The following NFIA variants were observed in gnomAD, a reference collection of about 807,000 sequenced individuals.
NFIA encodes nuclear factor I A, also known as nuclear factor 1 A-type.
Under a neutral mutation model 62.8 loss-of-function variants are expected in NFIA, and 8 were observed. The observed-to-expected ratio is 0.13, with a 90% CI of 0.07 to 0.23. The LOEUF (loss-of-function observed/expected upper bound fraction) is 0.23. Among genes scored for constraint, NFIA ranks in the 10% least tolerant of loss-of-function variants. The pLI, the probability that NFIA is intolerant of heterozygous loss-of-function variation, is 1.00. For missense variants in NFIA, 410 were observed against 642.1 expected (o/e 0.64, Z 3.91); for synonymous variants, 235 against 238.1 (o/e 0.99, Z 0.12).
chr1:61,225,220 A>G (rs886133856), intron 2 of NFIA, among the ~76,000 whole-genome samples: 1 of 151,744 alleles, frequency 6.6e-6, no homozygotes, highest in Non-Finnish European at 1.5e-5. Flanking sequence ...TAAATACTCA[A>G]TGTAAAGCCA....
At chr1:61,149,839 G>A (rs1394318994) in intron 2 of NFIA, among the ~76,000 whole-genome samples, 1 of 152,116 alleles carries the variant, frequency 6.6e-6, no homozygotes, top group South Asian at 2.1e-4. Flanking sequence ...TCAGTAAATG[G>A]TAGTTGTTTT....
chr1:61,228,708 G>C (rs1270927689), intron 2 of NFIA, among the ~76,000 whole-genome samples: 1 of 152,036 alleles, frequency 6.6e-6, no homozygotes, highest in East Asian at 1.9e-4. Flanking sequence ...ATGTGTACAT[G>C]AAGGTTTTCG....
Position 61,088,653 on chromosome 1 carries a change from T to C in NFIA, c.532T>C (p.Tyr178His). 1 of 1,613,560 alleles carries C rather than the reference T, an allele frequency of 6.2e-7. No homozygotes were observed. Residue 178 changes from tyrosine to histidine, a missense_variant, in exon 2 of 11, where the codon TAT (tyrosine) becomes CAT (histidine). Tyr to His is a moderately conservative substitution (Grantham distance 83). Coordinates refer to ENST00000403491, the MANE Select transcript of NFIA (RefSeq NM_001134673.4). This position sits in a 1 kb window ranked among gnomAD's most constrained non-coding sequence, Gnocchi z 4.5. ...GGTTTCTGTTAAGGAACTCGATTTA[T>C]ATTTGGCATACTTTGTGCATGCAGC... ...IGVSVKELDL[Y>H]LAYFVHAADS...
chr1:61,131,158 CTT>C (rs200958600), intron 2 of NFIA, among the ~76,000 whole-genome samples: 28 of 136,316 alleles, frequency 2.1e-4, no homozygotes, highest in East Asian at 4.2e-4. Flanking sequence ...AATAGTATGA[CTT>C]TTTTTTTTTT....
intron 3 of NFIA, among the ~76,000 whole-genome samples, chr1:61,309,491 CAAA>C (rs35779753): frequency 2.0e-5 from 3 of 147,168 alleles, no homozygotes; most frequent in African/African-American, 7.4e-5. Context: ...ACAACAACAA[CAAA>C]AAAAAAAACA....
intron 2 of NFIA, among the ~76,000 whole-genome samples, chr1:61,179,137 C>G (rs1650585250): frequency 6.6e-6 from 1 of 152,208 alleles, no homozygotes; most frequent in Non-Finnish European, 1.5e-5. Flanking sequence ...CATGTCTGCC[C>G]CAGCTCCAGG....
chr1:61,222,846 T>A (rs981857543), intron 2 of NFIA, among the ~76,000 whole-genome samples: 1 of 152,086 alleles, frequency 6.6e-6, no homozygotes, highest in African/African-American at 2.4e-5. Context: ...GTCTGGTATT[T>A]CCTTTATAAA....
chr1:61,132,808 A>G (rs995725842), intron 2 of NFIA: 18 of 152,226 alleles, frequency 1.2e-4, no homozygotes, highest in African/African-American at 4.3e-4. Context: ...GGCTGAGGGT[A>G]TAGATGTCAG....
At chr1:61,337,516 C>T (rs904629734) in intron 4 of NFIA, among the ~76,000 whole-genome samples, 15 of 152,188 alleles carry the variant, frequency 9.9e-5, no homozygotes, top group Admixed American at 8.5e-4. Flanking sequence ...ATACAGACCA[C>T]TAGATGCTGT....
chr1:61,244,188 C>G (rs1179987631), intron 2 of NFIA, among the ~76,000 whole-genome samples: 1 of 152,152 alleles, frequency 6.6e-6, no homozygotes, highest in Non-Finnish European at 1.5e-5. Flanking sequence ...ATCTATGTGC[C>G]AACAAGTCAG....
rs78823853 is a variant in NFIA at position 61,140,948 on chromosome 1, G to A, written c.559+52268G>A. Among the ~76,000 whole-genome samples, 1,446 of 148,338 alleles carry A rather than the reference G, an allele frequency of 9.7e-3. 70 individuals carry two copies. In the East Asian group the frequency reaches 0.15, roughly 15 times the overall value. On this transcript the variant is annotated intron_variant, in intron 2 of 10. Transcript: ENST00000403491. ...AAAGCTGGTGCTGTAGTTGGGCTGT[G>A]GTCTAACCACAGCTGGGTTTTTTTT...
chr1:61,422,995 G>T (rs376996074), intron 9 of NFIA, among the ~76,000 whole-genome samples: 2 of 152,092 alleles, frequency 1.3e-5, no homozygotes, highest in East Asian at 1.9e-4. Flanking sequence ...CCATAAGGGG[G>T]TAACACAGAA....
chr1:61,203,437 G>C (rs6671062), intron 2 of NFIA, among the ~76,000 whole-genome samples: 1 of 152,014 alleles, frequency 6.6e-6, no homozygotes. Context: ...TATCTTTTGA[G>C]CCCGCTGTGC....
intron 3 of NFIA, among the ~76,000 whole-genome samples, chr1:61,279,587 C>T (rs1658013216): frequency 6.6e-6 from 1 of 152,114 alleles, no homozygotes; most frequent in Admixed American, 6.6e-5. Context: ...TGCATAATCT[C>T]CCTAAAGATG....
At chr1:61,210,705 C>T (rs893664555) in intron 2 of NFIA, among the ~76,000 whole-genome samples, 5 of 152,208 alleles carry the variant, frequency 3.3e-5, no homozygotes, top group Non-Finnish European at 7.3e-5. Flanking sequence ...AAGACTTCCA[C>T]AGATCACTTG....
chr1:61,217,517 C>T (rs1007388115), intron 2 of NFIA, among the ~76,000 whole-genome samples: 1 of 152,132 alleles, frequency 6.6e-6, no homozygotes, highest in African/African-American at 2.4e-5. Flanking sequence ...AGCTGTGCTT[C>T]CAGAGCTGCT....
At chr1:61,354,991 C>T (rs1662753643) in intron 5 of NFIA, among the ~76,000 whole-genome samples, 1 of 149,642 alleles carries the variant, frequency 6.7e-6, no homozygotes, top group Admixed American at 6.7e-5. Context: ...ATTTTCAGTT[C>T]AGGGTCCTAT....
intron 10 of NFIA, among the ~76,000 whole-genome samples, chr1:61,432,432 T>C (rs1667137304): frequency 6.6e-6 from 1 of 151,826 alleles, no homozygotes; most frequent in African/African-American, 2.4e-5. Flanking sequence ...TCACTTGAGA[T>C]TGCATTTCAG....
intron 7 of NFIA, among the ~76,000 whole-genome samples, chr1:61,388,905 G>A (rs1244873063): frequency 1.3e-5 from 2 of 152,088 alleles, no homozygotes; most frequent in African/African-American, 4.8e-5. Context: ...TTGAGGCCAG[G>A]GGTTTGAGAC....
Sources: gnomAD v4.1 joint callset for allele counts (sites outside exome capture counted in the v4.1 genomes callset) on GRCh38, gnomAD v4.1.1 for gene constraint, Gnocchi (gnomAD v3.1) non-coding constraint, MANE v1.5 for transcripts, NCBI Gene and HGNC (gene_info 2026-07-23, HGNC 2026-07-21) for gene names.